The following EI24 variants were observed in gnomAD, a reference collection of about 807,000 sequenced individuals.
The protein encoded by EI24 is etoposide-induced protein 2.4 homolog.
Under a neutral mutation model 48.6 loss-of-function variants are expected in EI24, and 21 were observed. That is an observed-to-expected ratio of 0.43 (90% CI 0.31 to 0.62). The LOEUF (loss-of-function observed/expected upper bound fraction) is 0.62. EI24 is among the 20% of genes least tolerant of loss of function. The pLI, the probability that EI24 is intolerant of heterozygous loss-of-function variation, is 0.10. For synonymous variants in EI24, 114 were observed against 145.5 expected, an observed-to-expected ratio of 0.78 and a Z score of 1.56; for missense variants, 280 against 410.5, an observed-to-expected ratio of 0.68 and a Z score of 2.75.
chr11:125,572,629 A>G, intron 2 of EI24, 60 bp downstream of exon 2: 1 of 1,495,556 alleles, frequency 6.7e-7, no homozygotes, highest in Admixed American at 1.8e-5. Flanking sequence ...TGCTGAAGGA[A>G]CCATCTAGGA....
Position 125,583,704 on chromosome 11 carries a change from G to A in EI24, c.*21G>A, listed in dbSNP as rs1417006122. On this transcript the variant is annotated 3_prime_UTR_variant, in exon 11 of 11. Coordinates refer to ENST00000278903, the MANE Select transcript of EI24 (RefSeq NM_004879.5). The stretch of plus-strand genomic sequence containing the variant: ...ACTGAGTTGCCTGCCATCCAAAGGG[G>A]ATGGGCGGGATTGGAAGAAGCTGTG... 6.2e-7 allele frequency: 1 copy of A among 1,605,956 alleles called. No homozygotes were observed. The highest frequency in any genetic ancestry group is 8.5e-7 in the Non-Finnish European group (1 of 1,176,144).
chr11:125,578,352 A>C (rs1314706167), intron 6 of EI24, 95 bp downstream of exon 6: 1 of 1,532,708 alleles, frequency 6.5e-7, no homozygotes, highest in African/African-American at 1.4e-5. Context: ...ATGTAGGGGG[A>C]CCTGTTTTTC....
At chr11:125,570,120 G>A (rs1938478586) in intron 1 of EI24, 1 of 152,194 alleles carries the variant, frequency 6.6e-6, no homozygotes, top group Admixed American at 6.5e-5. Context: ...GAGGTTATTT[G>A]TCCATGGGAT....
chr11:125,572,717 C>T, intron 2 of EI24, 148 bp downstream of exon 2: 2 of 728,810 alleles, frequency 2.7e-6, no homozygotes, highest in South Asian at 1.8e-5. Context: ...GACCACACTA[C>T]TCAAGAAATA....
chr11:125,577,921 G>C, intron 5 of EI24: 1 of 622,720 alleles, frequency 1.6e-6, no homozygotes, highest in South Asian at 2.0e-5. Context: ...GTGTCAAGCA[G>C]CACATATCTA....
chr11:125,581,315 A>G lies in EI24; in HGVS notation c.778A>G (p.Ile260Val). ...TCTCACAGCAATGCAGTCCTCATATATTATCAGGTAATTTGGCTACAGGGA... is the reference window on the plus strand; with the variant it reads ...TCTCACAGCAATGCAGTCCTCATATGTTATCAGGTAATTTGGCTACAGGGA... The part of the protein sequence containing the change: ...AFLTAMQSSY[I>V]ISGCLFSILF... The change falls in exon 9 of 11, where the codon ATT (isoleucine) becomes GTT (valine). Residue 260 changes from isoleucine to valine, a missense_variant. Transcript: ENST00000278903. 6.3e-7 allele frequency: 1 copy of G among 1,598,942 alleles called. No individual in the cohort carries two copies. The highest frequency in any genetic ancestry group is 8.5e-7 in the Non-Finnish European group (1 of 1,169,618).
intron 9 of EI24, 145 bp downstream of exon 9, chr11:125,581,467 C>A: frequency 2.4e-6 from 1 of 413,806 alleles, no homozygotes; most frequent in Admixed American, 3.6e-5. Flanking sequence ...CATTTGTTAG[C>A]ATGAAGATCT....
intron 10 of EI24, among the ~76,000 whole-genome samples, chr11:125,582,913 C>T (rs140310302): frequency 3.9e-4 from 60 of 152,310 alleles, no homozygotes; most frequent in African/African-American, 1.3e-3. Context: ...TCTTTTGAAA[C>T]TCTTCTTCCT....
At chr11:125,582,298 G>A in intron 9 of EI24, 48 bp from the exon 10 acceptor site, 1 of 1,458,114 alleles carries the variant, frequency 6.9e-7, no homozygotes, top group Non-Finnish European at 9.2e-7. Flanking sequence ...TCAAAGTCAT[G>A]TCTGTTATGA....
intron 2 of EI24, among the ~76,000 whole-genome samples, chr11:125,573,281 G>C (rs1938598061): frequency 6.6e-6 from 1 of 152,128 alleles, no homozygotes; most frequent in Non-Finnish European, 1.5e-5. Context: ...TAAAGATCTG[G>C]TTAGGACCCA....
chr11:125,582,493 G>T, intron 10 of EI24, 73 bp downstream of exon 10: 1 of 1,170,152 alleles, frequency 8.5e-7, no homozygotes, highest in Non-Finnish European at 1.2e-6. Flanking sequence ...TGTCAGTGAG[G>T]CTTTTTAAAA....
chr11:125,575,109 C>A (rs1938685137), intron 2 of EI24, 154 bp from the exon 3 acceptor site: 9 of 541,590 alleles, frequency 1.7e-5, no homozygotes, highest in Non-Finnish European at 2.4e-5. Context: ...CATCTGTACT[C>A]ATAGCTCTTT....
intron 9 of EI24, among the ~76,000 whole-genome samples, 170 bp from the exon 10 acceptor site, chr11:125,582,176 C>T (rs898254322): frequency 1.7e-4 from 25 of 151,152 alleles, no homozygotes; most frequent in Middle Eastern, 3.2e-3. Context: ...CCAGCCTGGG[C>T]GACAAGAACG....
intron 2 of EI24, among the ~76,000 whole-genome samples, chr11:125,573,878 C>T (rs1468148751): frequency 6.6e-6 from 1 of 151,574 alleles, no homozygotes; most frequent in African/African-American, 2.4e-5. Flanking sequence ...GACGGAGTTT[C>T]ACCATGTTGG....
intron 1 of EI24, among the ~76,000 whole-genome samples, chr11:125,570,887 A>G (rs930721276): frequency 2.6e-5 from 4 of 152,202 alleles, no homozygotes; most frequent in African/African-American, 7.2e-5. Flanking sequence ...CCTCACCTCA[A>G]CCCTGAGAAC....
intron 10 of EI24, among the ~76,000 whole-genome samples, chr11:125,582,803 T>C (rs931358865): frequency 6.7e-6 from 1 of 150,266 alleles, no homozygotes. Context: ...GTTAAGTCAG[T>C]GTGGATACTT....
At chr11:125,577,923 A>C (rs951502354) in intron 5 of EI24, 32 of 625,582 alleles carry the variant, frequency 5.1e-5, no homozygotes, top group Non-Finnish European at 7.4e-5. Context: ...GTCAAGCAGC[A>C]CATATCTATG....
At chr11:125,578,302 G>A (rs775383756) in intron 6 of EI24, 45 bp downstream of exon 6, 3 of 1,611,290 alleles carry the variant, frequency 1.9e-6, no homozygotes, top group Non-Finnish European at 2.5e-6. Context: ...AGCATGATTG[G>A]CTGACAGGTG....
chr11:125,579,059 C>G lies in EI24; in HGVS notation c.552C>G (p.Phe184Leu). 1 of 1,564,462 alleles carries G rather than the reference C, an allele frequency of 6.4e-7. No individual in the cohort carries two copies. The highest frequency in any genetic ancestry group is 8.7e-7 in the Non-Finnish European group (1 of 1,153,152). ...MLFNLLLQAL[F>L]LIQGMFVSLF... is the part of the protein sequence containing the mutation. ...TCAACCTTTTGCTGCAGGCTCTTTTCCTCATTCAGGTGAGACTGACCTTCT... is the reference window on the plus strand; with the variant it reads ...TCAACCTTTTGCTGCAGGCTCTTTTGCTCATTCAGGTGAGACTGACCTTCT... The change falls in exon 7 of 11, where the codon TTC becomes TTG. Residue 184 changes from phenylalanine (F) to leucine (L), a missense_variant. This residue lies in a region of EI24 where 204 missense variants were observed against 294.1 expected (regional missense o/e 0.69). Transcript: ENST00000278903.
Sources: allele counts gnomAD v4.1 joint callset (sites outside exome capture counted in the v4.1 genomes callset), GRCh38; gene constraint gnomAD v4.1.1; regional missense constraint gnomAD v4.1.1; transcripts MANE v1.5; gene names NCBI Gene and HGNC (gene_info 2026-07-23, HGNC 2026-07-21).